PEBP4: variants seen among roughly 807,000 people sequenced by gnomAD.
PEBP4 encodes phosphatidylethanolamine binding protein 4.
A neutral mutation model predicts 23.9 loss-of-function variants in PEBP4; 22 were observed. The ratio of observed to expected loss-of-function variants is 0.92; its 90% confidence interval spans 0.66 to 1.31. PEBP4 has a LOEUF of 1.31. PEBP4 is among the 40% of genes most tolerant of loss of function. The pLI, the probability that PEBP4 is intolerant of heterozygous loss-of-function variation, is 0.00. For synonymous variants in PEBP4, 112 were observed against 99.3 expected (o/e 1.13, Z -0.76); for missense variants, 324 against 281.7 (o/e 1.15, Z -1.07).
intron 6 of PEBP4, among the ~76,000 whole-genome samples, chr8:22,723,681 T>C (rs1481399113): frequency 6.6e-6 from 1 of 152,218 alleles, no homozygotes; most frequent in African/African-American, 2.4e-5. Context: ...TAAAAGTATG[T>C]CTTTGGCAAA....
rs529564735 is a variant in PEBP4 at position 22,832,620 on chromosome 8, C to T, written c.259-14885G>A. On this transcript the variant is annotated intron_variant, in intron 3 of 6. Transcript: ENST00000256404. ...CTGCCTTGCCACTGGGGAGTCTTTG[C>T]GTGTCTGCCTTTCCCCAAGAGGAGA... 8.5e-5 allele frequency among the ~76,000 whole-genome samples: 13 copies of T among 152,248 alleles called. No homozygotes were observed. The South Asian group carries it at 1.7e-3, about 19-fold the overall frequency.
chr8:22,741,145 C>G (rs1327703882), intron 4 of PEBP4, among the ~76,000 whole-genome samples: 1 of 152,164 alleles, frequency 6.6e-6, no homozygotes, highest in African/African-American at 2.4e-5. Flanking sequence ...CTCTAGGGCC[C>G]TGTCCCAAGC....
At chr8:22,851,468 G>A (rs1023351379) in intron 3 of PEBP4, among the ~76,000 whole-genome samples, 5 of 152,132 alleles carry the variant, frequency 3.3e-5, no homozygotes, top group African/African-American at 1.2e-4. Flanking sequence ...ATGAGACCCA[G>A]AGATCATCTG....
chr8:22,927,808 T>G lies in PEBP4; in HGVS notation c.-7+15A>C. On this transcript the variant is annotated intron_variant, in intron 1 of 6. Coordinates refer to ENST00000256404, the MANE Select transcript of PEBP4 (RefSeq NM_144962.3). ...GTGCCCCCGACCCCAGGGGCCCACT[T>G]GGCAGGATAGAGACCTCTGGTTAAG... 6.5e-7 allele frequency: 1 copy of G among 1,547,026 alleles called. No individual in the cohort carries two copies. The highest frequency in any genetic ancestry group is 2.3e-5 in the East Asian group (1 of 43,652).
At chr8:22,848,227 C>T (rs186599517) in intron 3 of PEBP4, among the ~76,000 whole-genome samples, 2 of 152,168 alleles carry the variant, frequency 1.3e-5, no homozygotes, top group Admixed American at 1.3e-4. Context: ...AAGATGAATT[C>T]CATTTGTGTC....
At chr8:22,914,663 C>T (rs948151265) in intron 3 of PEBP4, among the ~76,000 whole-genome samples, 4 of 152,170 alleles carry the variant, frequency 2.6e-5, no homozygotes, top group African/African-American at 4.8e-5. Context: ...TCAGAGTCCA[C>T]GCCTGCTGGA....
At chr8:22,810,669 GGTGTGTGTGTGTGTGT>G (rs60078589) in intron 4 of PEBP4, among the ~76,000 whole-genome samples, 34 of 129,198 alleles carry the variant, frequency 2.6e-4, no homozygotes, top group Middle Eastern at 3.7e-3. Flanking sequence ...CTCATGGAGG[GGTGTGTGTGTGTGTGT>G]GTGTGTGTGT....
intron 4 of PEBP4, among the ~76,000 whole-genome samples, chr8:22,774,362 G>A (rs1805774487): frequency 6.6e-6 from 1 of 152,208 alleles, no homozygotes; most frequent in African/African-American, 2.4e-5. Flanking sequence ...GTTTAAGAAG[G>A]GAGGGCTATG....
chr8:22,874,405 G>T (rs1808076511), intron 3 of PEBP4, among the ~76,000 whole-genome samples: 1 of 152,150 alleles, frequency 6.6e-6, no homozygotes, highest in South Asian at 2.1e-4. Flanking sequence ...TAAATTGGAA[G>T]ATGAATGTTT....
At chr8:22,889,412 C>G (rs1176095332) in intron 3 of PEBP4, among the ~76,000 whole-genome samples, 1 of 152,158 alleles carries the variant, frequency 6.6e-6, no homozygotes, top group Non-Finnish European at 1.5e-5. Context: ...ACCCCAGTCC[C>G]CTTCAGAAGA....
chr8:22,786,818 C>T (rs971400161), intron 4 of PEBP4, among the ~76,000 whole-genome samples: 4 of 146,952 alleles, frequency 2.7e-5, no homozygotes, highest in South Asian at 2.3e-4. Context: ...GCTGCACCCC[C>T]TACCGCTTTT....
chr8:22,931,747 C>G (rs534460225), upstream of PEBP4, among the ~76,000 whole-genome samples: 1 of 152,278 alleles, frequency 6.6e-6, no homozygotes, highest in African/African-American at 2.4e-5. Flanking sequence ...CTATGCCCAG[C>G]TAATTTCAAG....
At chr8:22,785,227 A>G (rs1806004669) in intron 4 of PEBP4, among the ~76,000 whole-genome samples, 1 of 152,166 alleles carries the variant, frequency 6.6e-6, no homozygotes, top group South Asian at 2.1e-4. Flanking sequence ...TGGTGCCCTG[A>G]CAATTCTATT....
At chr8:22,875,361 A>G (rs1808098718) in intron 3 of PEBP4, among the ~76,000 whole-genome samples, 1 of 151,868 alleles carries the variant, frequency 6.6e-6, no homozygotes, top group Admixed American at 6.6e-5. Flanking sequence ...GTGCATGTGA[A>G]GGTTTGTTAC....
intron 3 of PEBP4, among the ~76,000 whole-genome samples, chr8:22,916,656 A>C (rs7813524): frequency 0.093 from 14,094 of 152,108 alleles, 850 homozygotes; most frequent in African/African-American, 0.17. Flanking sequence ...TCATTCATTC[A>C]TTCATTCATT....
At chr8:22,890,170 G>A (rs1329618103) in intron 3 of PEBP4, among the ~76,000 whole-genome samples, 1 of 152,108 alleles carries the variant, frequency 6.6e-6, no homozygotes, top group South Asian at 2.1e-4. Flanking sequence ...CAACAATTGC[G>A]CTCTAGGAAA....
chr8:22,777,249 C>T (rs1251617357), intron 4 of PEBP4, among the ~76,000 whole-genome samples: 2 of 152,304 alleles, frequency 1.3e-5, no homozygotes, highest in Non-Finnish European at 2.9e-5. Flanking sequence ...TACTCCTCCA[C>T]TCCCCTCACT....
intron 6 of PEBP4, among the ~76,000 whole-genome samples, chr8:22,714,976 G>A (rs146561053): frequency 3.3e-5 from 5 of 152,324 alleles, no homozygotes; most frequent in East Asian, 1.9e-4. Context: ...CACATAATTC[G>A]CTTAATCCTC....
upstream of PEBP4, among the ~76,000 whole-genome samples, chr8:22,930,555 C>T (rs949039437): frequency 2.0e-5 from 3 of 152,108 alleles, no homozygotes; most frequent in Non-Finnish European, 2.9e-5. Context: ...ACGCCACTTC[C>T]GTTTCTGATC....
Sources: allele counts gnomAD v4.1 joint callset (sites outside exome capture counted in the v4.1 genomes callset), GRCh38; gene constraint gnomAD v4.1.1; transcripts MANE v1.5; gene names NCBI Gene and HGNC (gene_info 2026-07-23, HGNC 2026-07-21).